Variants in ARHGAP28 observed in about 807,000 individuals in gnomAD.
ARHGAP28 encodes rho GTPase-activating protein 28.
ARHGAP28 carries 56 observed loss-of-function variants against 90.7 expected under a neutral mutation model. The ratio of observed to expected loss-of-function variants is 0.62; its 90% CI spans 0.50 to 0.77. The LOEUF is 0.77. Ranked by LOEUF, ARHGAP28 falls within the 30% of genes least tolerant of loss-of-function variation. ARHGAP28 has a pLI of 0.00. For synonymous variants in ARHGAP28, 308 were observed against 323.3 expected (o/e 0.95, Z 0.51); for missense variants, 869 against 900.9 (o/e 0.96, Z 0.45).
intron 1 of ARHGAP28, chr18:6,778,937 A>G (rs550546313): frequency 6.6e-6 from 1 of 152,172 alleles, no homozygotes; most frequent in African/African-American, 2.4e-5. Flanking sequence ...TCCTCCCTTC[A>G]TCTTACAGAA....
intron 7 of ARHGAP28, among the ~76,000 whole-genome samples, chr18:6,872,499 T>G (rs1262404825): frequency 1.3e-5 from 2 of 152,222 alleles, no homozygotes. Context: ...TTTAGGAAAC[T>G]CCTATGGAAA....
intron 1 of ARHGAP28, among the ~76,000 whole-genome samples, chr18:6,814,549 CAG>C (rs1294891482): frequency 6.6e-5 from 10 of 152,108 alleles, no homozygotes; most frequent in South Asian, 2.1e-4. Flanking sequence ...TTAGAAGAAA[CAG>C]GGGCTAAATG....
intron 3 of ARHGAP28, among the ~76,000 whole-genome samples, chr18:6,844,208 T>G (rs936987083): frequency 6.6e-6 from 1 of 152,208 alleles, no homozygotes; most frequent in Non-Finnish European, 1.5e-5. Flanking sequence ...TATATACATT[T>G]GGCTGCACAT....
intron 16 of ARHGAP28, among the ~76,000 whole-genome samples, chr18:6,905,569 G>C (rs1206166864): frequency 6.6e-6 from 1 of 152,092 alleles, no homozygotes; most frequent in Non-Finnish European, 1.5e-5. Context: ...GGAAAGAAAA[G>C]AAATGGGAGG....
At chr18:6,874,623 A>C (rs1224731083) in intron 9 of ARHGAP28, 2 of 152,134 alleles carry the variant, frequency 1.3e-5, no homozygotes, top group African/African-American at 4.8e-5. Flanking sequence ...TACTTACCTG[A>C]CACTGATAAT....
intron 1 of ARHGAP28, among the ~76,000 whole-genome samples, chr18:6,808,019 G>GT (rs1230140756): frequency 6.6e-6 from 1 of 152,038 alleles, no homozygotes; most frequent in Non-Finnish European, 1.5e-5. Flanking sequence ...CTTGAGAATC[G>GT]TTTCATATAT....
At chr18:6,809,919 CA>C (rs1312556568) in intron 1 of ARHGAP28, among the ~76,000 whole-genome samples, 3 of 152,184 alleles carry the variant, frequency 2.0e-5, no homozygotes, top group Non-Finnish European at 4.4e-5. Flanking sequence ...ACTCAATAAA[CA>C]GTTGTTAAAC....
chr18:6,803,857 C>T (rs2056500090), intron 1 of ARHGAP28, among the ~76,000 whole-genome samples: 1 of 152,110 alleles, frequency 6.6e-6, no homozygotes, highest in African/African-American at 2.4e-5. Context: ...TGGCTCACCG[C>T]AAGCCCCGCC....
chr18:6,878,625 T>C (rs1021325726), intron 10 of ARHGAP28, among the ~76,000 whole-genome samples: 2 of 152,224 alleles, frequency 1.3e-5, no homozygotes, highest in Non-Finnish European at 1.5e-5. Context: ...AAAGTTATTA[T>C]AGGCACATGC....
intron 2 of ARHGAP28, among the ~76,000 whole-genome samples, chr18:6,828,030 G>A (rs966273641): frequency 2.0e-5 from 3 of 152,160 alleles, no homozygotes; most frequent in African/African-American, 7.2e-5. Context: ...AGCGAGCCGA[G>A]ATCACGCCAC....
At chr18:6,849,215 A>G (rs2056889966) in intron 3 of ARHGAP28, among the ~76,000 whole-genome samples, 1 of 149,170 alleles carries the variant, frequency 6.7e-6, no homozygotes, top group South Asian at 2.1e-4. Flanking sequence ...CTGTGATCTC[A>G]CTGTTAAACT....
intron 2 of ARHGAP28, among the ~76,000 whole-genome samples, chr18:6,826,213 T>C (rs568854281): frequency 1.0e-3 from 153 of 152,186 alleles, no homozygotes; most frequent in Non-Finnish European, 1.9e-3. Context: ...TGATTTGCAT[T>C]TCTCTGATAA....
At chr18:6,763,255 G>A (rs1229443080) in intron 1 of ARHGAP28, among the ~76,000 whole-genome samples, 2 of 151,972 alleles carry the variant, frequency 1.3e-5, no homozygotes, top group Non-Finnish European at 2.9e-5. Context: ...CCTAATTTTG[G>A]TATTTTTAGT....
chr18:6,893,870 T>TTG, intron 14 of ARHGAP28, among the ~76,000 whole-genome samples: 2 of 148,558 alleles, frequency 1.3e-5, no homozygotes, highest in South Asian at 2.2e-4. Context: ...CTTTTTGGTT[T>TTG]TTTTTTTTTT....
At chr18:6,901,299 T>G (rs989719465) in intron 16 of ARHGAP28, among the ~76,000 whole-genome samples, 1 of 152,196 alleles carries the variant, frequency 6.6e-6, no homozygotes, top group African/African-American at 2.4e-5. Flanking sequence ...CATCATCTGA[T>G]ACATTGCTCA....
At chr18:6,756,213 C>G (rs1335546953) in intron 1 of ARHGAP28, among the ~76,000 whole-genome samples, 1 of 152,082 alleles carries the variant, frequency 6.6e-6, no homozygotes, top group African/African-American at 2.4e-5. Context: ...ATGGAAGAGC[C>G]AACTATTCTT....
At chr18:6,871,388 A>G (rs1242077019) in intron 7 of ARHGAP28, among the ~76,000 whole-genome samples, 6 of 152,236 alleles carry the variant, frequency 3.9e-5, no homozygotes, top group African/African-American at 1.4e-4. Flanking sequence ...TTGTGCCTCT[A>G]TAAGCCACAT....
chr18:6,775,609 C>A (rs891962791), intron 1 of ARHGAP28, among the ~76,000 whole-genome samples: 10 of 152,146 alleles, frequency 6.6e-5, no homozygotes, highest in Non-Finnish European at 1.5e-4. Flanking sequence ...ATGTGACATT[C>A]GCTGGATGTG....
chr18:6,898,608 G>A, intron 16 of ARHGAP28: 1 of 1,584,466 alleles, frequency 6.3e-7, no homozygotes, highest in South Asian at 1.2e-5. Context: ...ATCATTCAAG[G>A]GATTTGGGTA....
Sources: gnomAD v4.1 joint callset for allele counts (sites outside exome capture counted in the v4.1 genomes callset) on GRCh38, gnomAD v4.1.1 for gene constraint, MANE v1.5 for transcripts, NCBI Gene and HGNC (gene_info 2026-07-23, HGNC 2026-07-21) for gene names.